HYDIN: variants seen among roughly 807,000 people sequenced by gnomAD.
HYDIN encodes the protein axonemal central pair apparatus protein HYDIN.
HYDIN carries 132 observed loss-of-function variants against 403.9 expected under a neutral mutation model. That is an observed-to-expected ratio of 0.33 (90% CI 0.28 to 0.38). The LOEUF is 0.38. Ranked by LOEUF, HYDIN falls within the 10% of genes least tolerant of loss-of-function variation. The probability of loss-of-function intolerance (pLI) is 1.00; values close to 1 mark genes in which losing one functional copy is unlikely to be tolerated. For missense variants in HYDIN, 2,827 were observed against 5,009.5 expected (o/e 0.56, Z 13.15); for synonymous variants, 1,202 against 1,891.7 (o/e 0.64, Z 9.46).
intron 7 of HYDIN, among the ~76,000 whole-genome samples, chr16:71,149,580 G>A (rs1338417553): frequency 1.3e-5 from 2 of 152,170 alleles, no homozygotes; most frequent in East Asian, 3.9e-4. Context: ...AGGCTGGAGT[G>A]CAGTAGTGCA....
rs1216500684 is a variant in HYDIN, at chr16:70,981,527, G to A, written c.4374C>T (p.Tyr1458=). The change falls in exon 29 of 86, where the codon TAC becomes TAT. Residue 1458 remains tyrosine (Y), a synonymous_variant. Transcript: ENST00000393567. ...AGACCTCAGGTACTCCAGGTAGGTAGTAAACTTTTAATACCTGCTCTTGAT... is the reference window on the plus strand; with the variant it reads ...AGACCTCAGGTACTCCAGGTAGGTAATAAACTTTTAATACCTGCTCTTGAT... ...SSHQEQVLKV[Y]YLPGVPEVFK... The A allele has an allele frequency of 1.2e-6, 2 of 1,613,066 alleles. No homozygotes were observed. Among genetic ancestry groups the A allele is most frequent in the Non-Finnish European group, 1.7e-6 (2 of 1,179,630 alleles).
At chr16:70,881,224 C>CAAA (rs58562653) in intron 60 of HYDIN, among the ~76,000 whole-genome samples, 1 of 56,876 alleles carries the variant, frequency 1.8e-5, no homozygotes, top group South Asian at 5.1e-4. Context: ...GAGACTGTCT[C>CAAA]AAAAAAAAAA....
rs775218519 is a variant in HYDIN at position 71,129,708 on chromosome 16, T to G, written c.1159A>C (p.Asn387His). ...HLSVLSRTFA[N>H]QRRLVQGDSK... The stretch of plus-strand genomic sequence containing the variant: ...TCTCCCTGCACCAGCCTCCTCTGAT[T>G]CGCAAAGGTTCGGGACAGAACAGAA... The change falls in exon 9 of 86, where the codon AAT (asparagine) becomes CAT (histidine). Residue 387 changes from asparagine (N) to histidine (H), a missense_variant. Coordinates refer to ENST00000393567, the MANE Select transcript of HYDIN (RefSeq NM_001270974.2). 23 of 1,614,082 alleles carry G rather than the reference T, an allele frequency of 1.4e-5. No individual in the cohort carries two copies. In the East Asian group the frequency reaches 4.9e-4, roughly 34 times the overall value.
rs568671139 is a variant in HYDIN, at chr16:70,924,714, T to C, written c.7159-3497A>G. ...TAATGCAGGAACAGAAAACCAAATATTACGTGTTCTGCCTTATAAGTGGGA... is the reference window on the plus strand; with the variant it reads ...TAATGCAGGAACAGAAAACCAAATACTACGTGTTCTGCCTTATAAGTGGGA... On this transcript the variant is annotated intron_variant, in intron 45 of 85. Coordinates refer to ENST00000393567, the MANE Select transcript of HYDIN (RefSeq NM_001270974.2). Among the ~76,000 whole-genome samples the C allele has an allele frequency of 2.8e-3, 116 of 41,324 alleles. 1 individual carries two copies. The highest frequency in any genetic ancestry group is 0.01 in the African/African-American group (103 of 10,228). The allele number at this position is 41,324 out of a possible 152,430, so 27.1% of individuals were successfully genotyped here. A position where few individuals can be genotyped will look rare whatever the true frequency, so the allele number is the denominator to read the frequency against.
At chr16:70,965,258 A>G (rs1312741574) in intron 36 of HYDIN, among the ~76,000 whole-genome samples, 1 of 152,152 alleles carries the variant, frequency 6.6e-6, no homozygotes. Flanking sequence ...TACCAACAAT[A>G]TTGTGGTTAG....
intron 77 of HYDIN, 66 bp downstream of exon 77, chr16:70,837,624 G>A: frequency 3.2e-6 from 5 of 1,582,296 alleles, no homozygotes; most frequent in Non-Finnish European, 4.3e-6. Flanking sequence ...GTTCTGGGGG[G>A]CAAAGAAGGA....
At chr16:70,860,293 A>C in intron 70 of HYDIN, 87 bp from the exon 71 acceptor site, 1 of 1,472,000 alleles carries the variant, frequency 6.8e-7, no homozygotes, top group Non-Finnish European at 9.3e-7. Flanking sequence ...GCCCCAACCC[A>C]GTCCCCCATC....
chr16:71,057,544 C>T (rs2081941111), intron 18 of HYDIN, among the ~76,000 whole-genome samples: 2 of 152,104 alleles, frequency 1.3e-5, no homozygotes, highest in Admixed American at 1.3e-4. Context: ...TGTTAGTTCT[C>T]ATCCAAATGC....
intron 1 of HYDIN, among the ~76,000 whole-genome samples, chr16:71,224,616 C>T (rs2040951003): frequency 7.4e-6 from 1 of 135,354 alleles, no homozygotes; most frequent in South Asian, 2.4e-4. Context: ...GGCTGGAGTG[C>T]AGTGGCGGGA....
intron 84 of HYDIN, among the ~76,000 whole-genome samples, chr16:70,813,571 C>G (rs1391935024): frequency 6.6e-6 from 1 of 151,930 alleles, no homozygotes; most frequent in Non-Finnish European, 1.5e-5. Context: ...ACTGCGCAGA[C>G]AGTAAATGTC....
At chr16:70,922,647 A>T (rs527415472) in intron 45 of HYDIN, among the ~76,000 whole-genome samples, 23 of 152,170 alleles carry the variant, frequency 1.5e-4, no homozygotes, top group Admixed American at 2.6e-4. Flanking sequence ...CTTGGAAATA[A>T]TTCATGGATT....
intron 10 of HYDIN, among the ~76,000 whole-genome samples, chr16:71,102,213 CAGA>C (rs1334521303): frequency 6.6e-6 from 1 of 151,862 alleles, no homozygotes; most frequent in East Asian, 1.9e-4. Flanking sequence ...CTGCAGGAAA[CAGA>C]AGGACACAGA....
intron 47 of HYDIN, among the ~76,000 whole-genome samples, chr16:70,916,994 A>T (rs1224071279): frequency 6.6e-6 from 1 of 151,398 alleles, no homozygotes; most frequent in Non-Finnish European, 1.5e-5. Context: ...TGTCATCTCA[A>T]CTCACTATAA....
chr16:70,888,708 C>T (rs1253256526), intron 58 of HYDIN, among the ~76,000 whole-genome samples: 10 of 152,266 alleles, frequency 6.6e-5, no homozygotes, highest in East Asian at 5.8e-4. Flanking sequence ...ATGAAAATCT[C>T]GGCTTGGTAT....
At chr16:70,842,951 T>C (rs1597099213) in intron 75 of HYDIN, among the ~76,000 whole-genome samples, 1 of 152,108 alleles carries the variant, frequency 6.6e-6, no homozygotes, top group East Asian at 1.9e-4. Context: ...CAAGGAAGAT[T>C]ACAATTAACA....
intron 18 of HYDIN, among the ~76,000 whole-genome samples, chr16:71,033,634 CG>C (rs1334830358): frequency 7.6e-6 from 1 of 132,156 alleles, no homozygotes; most frequent in African/African-American, 2.9e-5. Context: ...TGTCAGGGGT[CG>C]GGGGGCAGGG....
chr16:71,175,161 C>T (rs1397462182), intron 5 of HYDIN, among the ~76,000 whole-genome samples: 1 of 151,366 alleles, frequency 6.6e-6, no homozygotes, highest in African/African-American at 2.4e-5. Flanking sequence ...ACAACAATAC[C>T]ACCACCATCT....
At chr16:71,036,037 C>A (rs544479656) in intron 18 of HYDIN, among the ~76,000 whole-genome samples, 1 of 151,852 alleles carries the variant, frequency 6.6e-6, no homozygotes. Flanking sequence ...TTGAGTGTGC[C>A]GAGCTGCTAG....
At chr16:70,909,737 C>T (rs1416264714) in intron 47 of HYDIN, among the ~76,000 whole-genome samples, 1 of 139,476 alleles carries the variant, frequency 7.2e-6, no homozygotes, top group African/African-American at 2.7e-5. Context: ...GCTTTGTCGC[C>T]CAGGCTGCAG....
Sources: gnomAD v4.1 joint callset for allele counts (sites outside exome capture counted in the v4.1 genomes callset) on GRCh38, gnomAD v4.1.1 for gene constraint, MANE v1.5 for transcripts, NCBI Gene and HGNC (gene_info 2026-07-23, HGNC 2026-07-21) for gene names.